Variants in PDLIM1 observed in about 807,000 individuals in gnomAD.
The protein encoded by PDLIM1 is PDZ and LIM domain 1.
Under a neutral mutation model 35.2 loss-of-function variants are expected in PDLIM1, and 25 were observed. That is an observed-to-expected ratio of 0.71 (90% confidence interval 0.52 to 0.99). The LOEUF (loss-of-function observed/expected upper bound fraction) is 0.99, where lower values mean the gene tolerates loss of function less well. Ranked by LOEUF, PDLIM1 falls within the 50% of genes least tolerant of loss-of-function variation. The pLI is 0.00. For missense variants in PDLIM1, 363 were observed against 415.3 expected (o/e 0.87, Z 1.09); for synonymous variants, 152 against 154.0 (o/e 0.99, Z 0.10).
chr10:95,237,789 G>A lies in PDLIM1; in HGVS notation c.*136C>T. 3.0e-6 allele frequency: 2 copies of A among 674,586 alleles called. No homozygotes were observed. Among genetic ancestry groups the A allele is most frequent in the Non-Finnish European group, 5.0e-6 (2 of 397,348 alleles). 41.8% of individuals were successfully genotyped at this position (674,586 alleles called of 1,614,324 possible). The stretch of plus-strand genomic sequence containing the variant: ...GGTGTGAGTCAATTAACCAAGGCAG[G>A]GAGGGGACTCAATGTTTTACAAGCA... On this transcript the variant is annotated 3_prime_UTR_variant, in exon 7 of 7. Transcript: ENST00000329399.
intron 4 of PDLIM1, among the ~76,000 whole-genome samples, chr10:95,249,546 T>C (rs2133414591): frequency 6.6e-6 from 1 of 152,346 alleles, no homozygotes; most frequent in East Asian, 1.9e-4. Context: ...ACAGACTCTC[T>C]TTAGGGCTGG....
chr10:95,271,642 G>A lies in PDLIM1; in HGVS notation c.239C>T (p.Thr80Ile). The A allele has an allele frequency of 6.2e-7, 1 of 1,602,978 alleles. No individual in the cohort carries two copies. The change falls in exon 2 of 7, where the codon ACT becomes ATT. Residue 80 changes from threonine to isoleucine, a missense_variant. Thr to Ile is a moderately conservative substitution (Grantham distance 89, BLOSUM62 -1). Transcript: ENST00000329399. ...IKGCTDNLTL[T>I]VARSEHKVWS... ...TTTCCATAGGCTTCACCTGGCTACA[G>A]TGAGAGTCAAGTTGTCTGTGCAGCC...
chr10:95,259,752 T>C (rs915611482), intron 4 of PDLIM1, among the ~76,000 whole-genome samples: 2 of 152,178 alleles, frequency 1.3e-5, no homozygotes, highest in Non-Finnish European at 2.9e-5. Context: ...GAATAGAAAA[T>C]GATGCATCCC....
chr10:95,268,645 G>T, intron 3 of PDLIM1, 133 bp downstream of exon 3: 1 of 682,824 alleles, frequency 1.5e-6, no homozygotes, highest in Admixed American at 2.2e-5. Flanking sequence ...ACAAGAGCCA[G>T]ATACCAGCAG....
chr10:95,260,192 G>T (rs1357818293), intron 4 of PDLIM1, among the ~76,000 whole-genome samples: 2 of 152,220 alleles, frequency 1.3e-5, no homozygotes, highest in Non-Finnish European at 2.9e-5. Flanking sequence ...AAAGAAGTTA[G>T]TATTATTTCC....
At chr10:95,279,625 C>T (rs2035542929) in intron 1 of PDLIM1, among the ~76,000 whole-genome samples, 1 of 152,206 alleles carries the variant, frequency 6.6e-6, no homozygotes, top group African/African-American at 2.4e-5. Context: ...ATGCTACACA[C>T]TGGGCTGAGT....
intron 5 of PDLIM1, among the ~76,000 whole-genome samples, chr10:95,239,979 A>C (rs139789369): frequency 0.025 from 3,735 of 152,332 alleles, 78 homozygotes; most frequent in Non-Finnish European, 0.032. Context: ...ATTATTAAAA[A>C]GTAAAAAAAC....
chr10:95,250,903 C>CA (rs1025355025), intron 4 of PDLIM1, among the ~76,000 whole-genome samples: 22 of 152,150 alleles, frequency 1.4e-4, no homozygotes, highest in African/African-American at 5.3e-4. Flanking sequence ...CTGAGGGCCC[C>CA]AGGGTTATTC....
intron 1 of PDLIM1, among the ~76,000 whole-genome samples, chr10:95,277,691 T>C (rs1219862553): frequency 6.6e-6 from 1 of 151,976 alleles, no homozygotes; most frequent in Non-Finnish European, 1.5e-5. Context: ...GCACAACAAT[T>C]TCCACTAATG....
At chr10:95,269,091 C>T (rs560951752) in intron 2 of PDLIM1, among the ~76,000 whole-genome samples, 1 of 152,324 alleles carries the variant, frequency 6.6e-6, no homozygotes, top group Admixed American at 6.5e-5. Flanking sequence ...CCAAGCACTT[C>T]ATCCTCCCTC....
intron 5 of PDLIM1, among the ~76,000 whole-genome samples, chr10:95,240,779 A>C (rs2133407786): frequency 6.6e-6 from 1 of 152,338 alleles, no homozygotes; most frequent in Non-Finnish European, 1.5e-5. Context: ...CAGAGGAAGG[A>C]GCCTTTCTGT....
At chr10:95,250,046 T>A (rs1246181094) in intron 4 of PDLIM1, among the ~76,000 whole-genome samples, 1 of 152,202 alleles carries the variant, frequency 6.6e-6, no homozygotes, top group African/African-American at 2.4e-5. Flanking sequence ...CAAGGGTCTT[T>A]CTTTGTCTCA....
intron 4 of PDLIM1, among the ~76,000 whole-genome samples, chr10:95,249,732 A>G (rs2035251883): frequency 6.6e-6 from 1 of 152,300 alleles, no homozygotes; most frequent in South Asian, 2.1e-4. Context: ...TCAGGTCCCC[A>G]GCTAAAGGCA....
chr10:95,267,494 C>T (rs988697581), intron 3 of PDLIM1, among the ~76,000 whole-genome samples: 37 of 152,268 alleles, frequency 2.4e-4, no homozygotes, highest in African/African-American at 8.7e-4. Context: ...TGCCATTTTA[C>T]GAACTTTCCT....
chr10:95,250,737 C>T (rs1434289676), intron 4 of PDLIM1, among the ~76,000 whole-genome samples: 1 of 152,248 alleles, frequency 6.6e-6, no homozygotes, highest in Non-Finnish European at 1.5e-5. Flanking sequence ...TCTGAACCCA[C>T]TCTATACAGT....
In PDLIM1 at chr10:95,268,840, G is replaced by A. The variant is rs2035437821; in HGVS notation, c.271C>T (p.Pro91Ser). 1 of 1,612,250 alleles carries A rather than the reference G, an allele frequency of 6.2e-7. No homozygotes were observed. Among genetic ancestry groups the A allele is most frequent in the Non-Finnish European group, 8.5e-7 (1 of 1,178,264 alleles). The change falls in exon 3 of 7, where the codon CCT (proline) becomes TCT (serine). Residue 91 changes from proline (P) to serine (S), a missense_variant. Transcript: ENST00000329399. ...VARSEHKVWS[P>S]LVTEEGKRHP... ...CGCTTCCCTTCCTCCGTCACCAGAG[G>A]AGACCAGACTTTATGTTCAGATCTG...
intron 1 of PDLIM1, among the ~76,000 whole-genome samples, chr10:95,286,733 T>C (rs2035605078): frequency 6.6e-6 from 1 of 152,234 alleles, no homozygotes; most frequent in Non-Finnish European, 1.5e-5. Flanking sequence ...AGTGAGAAAT[T>C]ATGTAAATTC....
At chr10:95,258,788 AAAAC>A (rs1564601121) in intron 4 of PDLIM1, among the ~76,000 whole-genome samples, 1 of 152,228 alleles carries the variant, frequency 6.6e-6, no homozygotes, top group East Asian at 1.9e-4. Context: ...AATACACTTA[AAAAC>A]GTTTAAGATC....
chr10:95,277,941 T>C (rs1589518885), intron 1 of PDLIM1, among the ~76,000 whole-genome samples: 1 of 152,224 alleles, frequency 6.6e-6, no homozygotes, highest in African/African-American at 2.4e-5. Context: ...TCCCACTTTC[T>C]TCAACTTACA....
Sources: allele counts gnomAD v4.1 joint callset (sites outside exome capture counted in the v4.1 genomes callset), GRCh38; gene constraint gnomAD v4.1.1; transcripts MANE v1.5; gene names NCBI Gene and HGNC (gene_info 2026-07-23, HGNC 2026-07-21).